DCC: variants seen among roughly 807,000 people sequenced by gnomAD.
DCC encodes DCC netrin 1 receptor.
A neutral mutation model predicts 172.5 loss-of-function variants in DCC; 58 were observed. The ratio of observed to expected loss-of-function variants is 0.34; its 90% CI spans 0.27 to 0.42. The LOEUF is 0.42. DCC is among the 10% of genes least tolerant of loss of function. The pLI, the probability that DCC is intolerant of heterozygous loss-of-function variation, is 1.00. For missense variants in DCC, 1,740 were observed against 1,791.0 expected, an observed-to-expected ratio of 0.97 and a Z score of 0.51; for synonymous variants, 709 against 644.5, an observed-to-expected ratio of 1.10 and a Z score of -1.52.
chr18:53,132,029 T>C (rs1376674673), intron 7 of DCC, among the ~76,000 whole-genome samples: 1 of 149,294 alleles, frequency 6.7e-6, no homozygotes, highest in Non-Finnish European at 1.5e-5. Flanking sequence ...TTCTTGCAGT[T>C]CATTATTGTT....
At chr18:52,358,643 T>C (rs1262418820) in intron 1 of DCC, among the ~76,000 whole-genome samples, 1 of 152,216 alleles carries the variant, frequency 6.6e-6, no homozygotes, top group Non-Finnish European at 1.5e-5. Context: ...TTACTCCTCA[T>C]TGTTACTGAT....
chr18:53,453,719 G>A (rs940733645), intron 23 of DCC, among the ~76,000 whole-genome samples: 1 of 152,078 alleles, frequency 6.6e-6, no homozygotes, highest in African/African-American at 2.4e-5. Flanking sequence ...TGCTTCTATA[G>A]TAAACTAATC....
At chr18:53,258,715 A>G (rs932334099) in intron 12 of DCC, among the ~76,000 whole-genome samples, 7 of 152,154 alleles carry the variant, frequency 4.6e-5, no homozygotes, top group Admixed American at 1.3e-4. Context: ...AGTTCTGTAG[A>G]TGTCTATTAG....
At chr18:52,763,335 C>G (rs1265198579) in intron 2 of DCC, among the ~76,000 whole-genome samples, 2 of 152,224 alleles carry the variant, frequency 1.3e-5, no homozygotes, top group African/African-American at 4.8e-5. Flanking sequence ...TTTTGTGGTC[C>G]CTTTTGCAAA....
At chr18:53,390,960 A>C (rs1908510241) in intron 16 of DCC, among the ~76,000 whole-genome samples, 1 of 152,220 alleles carries the variant, frequency 6.6e-6, no homozygotes, top group Non-Finnish European at 1.5e-5. Context: ...GTTTCAGTCT[A>C]AGAAAGCCTG....
intron 1 of DCC, among the ~76,000 whole-genome samples, chr18:52,720,611 T>C (rs2036458427): frequency 6.6e-6 from 1 of 152,232 alleles, no homozygotes; most frequent in African/African-American, 2.4e-5. Context: ...GAAGCAGTCT[T>C]GGACAACAAC....
At chr18:52,790,085 C>G (rs1267495501) in intron 2 of DCC, among the ~76,000 whole-genome samples, 7 of 152,096 alleles carry the variant, frequency 4.6e-5, no homozygotes, top group Non-Finnish European at 4.4e-5. Context: ...GGCCCTCACC[C>G]AGGAACTGAC....
chr18:53,293,531 G>A (rs1031262480), intron 12 of DCC, among the ~76,000 whole-genome samples: 3 of 152,126 alleles, frequency 2.0e-5, no homozygotes, highest in South Asian at 2.1e-4. Context: ...AGGTAAACTT[G>A]TGTCATAGGG....
At chr18:52,377,346 G>A (rs2144314525) in intron 1 of DCC, among the ~76,000 whole-genome samples, 1 of 152,238 alleles carries the variant, frequency 6.6e-6, no homozygotes, top group Non-Finnish European at 1.5e-5. Context: ...CAAGTAAAGT[G>A]CACATCAGCT....
chr18:53,264,348 G>A (rs537361703), intron 12 of DCC, among the ~76,000 whole-genome samples: 7 of 151,998 alleles, frequency 4.6e-5, no homozygotes, highest in East Asian at 3.9e-4. Context: ...TTAGCCAGAC[G>A]TGGTGGCGGC....
rs544236146 is a variant in DCC at position 52,866,954 on chromosome 18, T to A, written c.413-39090T>A. Among the ~76,000 whole-genome samples, 3 of 152,314 alleles carry A rather than the reference T, an allele frequency of 2.0e-5. No homozygotes were observed. In the East Asian group the frequency reaches 5.8e-4, roughly 29 times the overall value. On this transcript the variant is annotated intron_variant, in intron 2 of 28. Transcript: ENST00000442544. ...CGTGAGAGAAGGCATCCTTGTCTTGTGCCAGTTTTCAAAGGGAATGCTTCC... is the reference window on the plus strand; with the variant it reads ...CGTGAGAGAAGGCATCCTTGTCTTGAGCCAGTTTTCAAAGGGAATGCTTCC...
chr18:53,230,135 C>G (rs1424295024), intron 12 of DCC, among the ~76,000 whole-genome samples: 1 of 152,076 alleles, frequency 6.6e-6, no homozygotes, highest in Non-Finnish European at 1.5e-5. Flanking sequence ...AGAGACACCT[C>G]TGCACCTTCT....
chr18:53,471,647 CT>C (rs1279914443), intron 25 of DCC, among the ~76,000 whole-genome samples: 1 of 152,136 alleles, frequency 6.6e-6, no homozygotes, highest in Non-Finnish European at 1.5e-5. Context: ...TAACCTTCCC[CT>C]GTGTTCCTTG....
intron 1 of DCC, among the ~76,000 whole-genome samples, chr18:52,611,751 T>A (rs775659004): frequency 1.3e-5 from 2 of 152,206 alleles, no homozygotes; most frequent in African/African-American, 2.4e-5. Flanking sequence ...ATCTGTATAA[T>A]AGGATCACTG....
At chr18:52,971,869 C>T (rs2041035876) in intron 5 of DCC, among the ~76,000 whole-genome samples, 1 of 151,992 alleles carries the variant, frequency 6.6e-6, no homozygotes, top group African/African-American at 2.4e-5. Flanking sequence ...GGATCTCTTT[C>T]CTGCTATGTA....
At chr18:53,516,684 A>G (rs1268227193) in intron 27 of DCC, among the ~76,000 whole-genome samples, 18 of 149,638 alleles carry the variant, frequency 1.2e-4, no homozygotes, top group African/African-American at 4.6e-4. Context: ...GCAGCCAAAA[A>G]ACACATGAAA....
At chr18:52,349,161 C>A (rs963170310) in intron 1 of DCC, among the ~76,000 whole-genome samples, 1 of 151,602 alleles carries the variant, frequency 6.6e-6, no homozygotes, top group Non-Finnish European at 1.5e-5. Context: ...TTCAAACAAA[C>A]GTATGTGCTT....
In DCC at chr18:52,575,754, C is replaced by T. The variant is rs185403514; in HGVS notation, c.92-176300C>T. On this transcript the variant is annotated intron_variant, in intron 1 of 28. Transcript: ENST00000442544. ...CAACTGCTCCATAAAATAGAAATTT[C>T]GTTGTAATTTATTCTTTTAGGTATA... 2.4e-3 allele frequency among the ~76,000 whole-genome samples: 371 copies of T among 152,070 alleles called. 4 individuals are homozygous for T. Among genetic ancestry groups the T allele is most frequent in the South Asian group, 0.016 (77 of 4,818 alleles).
intron 1 of DCC, among the ~76,000 whole-genome samples, chr18:52,423,557 A>C (rs1358295115): frequency 1.3e-5 from 2 of 152,100 alleles, no homozygotes; most frequent in African/African-American, 4.8e-5. Flanking sequence ...GTCAGAAAAA[A>C]AAAAAAAGTT....
Sources: allele counts gnomAD v4.1 joint callset (sites outside exome capture counted in the v4.1 genomes callset), GRCh38; gene constraint gnomAD v4.1.1; transcripts MANE v1.5; gene names NCBI Gene and HGNC (gene_info 2026-07-23, HGNC 2026-07-21).